EDDM3A: variants seen among roughly 807,000 people sequenced by gnomAD.
The protein encoded by EDDM3A is epididymal protein 3A.
For synonymous variants in EDDM3A, 75 were observed against 60.4 expected, an observed-to-expected ratio of 1.24 and a Z score of -1.12; for missense variants, 199 against 177.4, an observed-to-expected ratio of 1.12 and a Z score of -0.69.
At chr14:20,745,406 G>C (rs552239447), upstream of EDDM3A, among the ~76,000 whole-genome samples, 1 of 151,866 alleles carries the variant, frequency 6.6e-6, no homozygotes, top group African/African-American at 2.4e-5. Context: ...GGCGCCTATA[G>C]TCCCAGCTAC....
At chr14:20,740,621 C>T in the EDDM3A span, among the ~76,000 whole-genome samples, 90 of 152,236 alleles carry the variant, frequency 5.9e-4, no homozygotes, top group Middle Eastern at 3.4e-3. Context: ...TTCCTGGGCT[C>T]TTTGGGTTTC....
chr14:20,744,904 G>T (rs111443904), upstream of EDDM3A, among the ~76,000 whole-genome samples: 1 of 152,232 alleles, frequency 6.6e-6, no homozygotes, highest in African/African-American at 2.4e-5. Context: ...TCTCAATGAA[G>T]GTCTCACAAT....
At chr14:20,738,819 C>T in the EDDM3A span, among the ~76,000 whole-genome samples, 16 of 152,120 alleles carry the variant, frequency 1.1e-4, no homozygotes, top group East Asian at 1.2e-3. Flanking sequence ...AAGGAAAATG[C>T]ATGTGGGGAG....
the EDDM3A span, among the ~76,000 whole-genome samples, chr14:20,736,334 T>C: frequency 2.8e-3 from 420 of 152,304 alleles, no homozygotes; most frequent in Non-Finnish European, 4.3e-3. Context: ...GGTCTCAGAC[T>C]CCCGACCTCG....
At chr14:20,742,848 C>T (rs1274585744), upstream of EDDM3A, among the ~76,000 whole-genome samples, 1 of 151,916 alleles carries the variant, frequency 6.6e-6, no homozygotes, top group Non-Finnish European at 1.5e-5. Flanking sequence ...CCTCCCACCT[C>T]AGCCTCCTAA....
At chr14:20,742,594 T>C (rs570106544), upstream of EDDM3A, among the ~76,000 whole-genome samples, 1 of 152,234 alleles carries the variant, frequency 6.6e-6, no homozygotes, top group East Asian at 1.9e-4. Context: ...TTTTGTTATG[T>C]TTGTTTTGTT....
chr14:20,742,408 T>A (rs1285980746), upstream of EDDM3A, among the ~76,000 whole-genome samples: 1 of 152,226 alleles, frequency 6.6e-6, no homozygotes, highest in African/African-American at 2.4e-5. Flanking sequence ...GTAAGAAATC[T>A]TATCTGGACT....
At chr14:20,738,447 G>A in the EDDM3A span, among the ~76,000 whole-genome samples, 1 of 150,298 alleles carries the variant, frequency 6.7e-6, no homozygotes, top group African/African-American at 2.5e-5. Flanking sequence ...CTCCAGCCTG[G>A]TGACAGAGTG....
the EDDM3A span, among the ~76,000 whole-genome samples, chr14:20,739,100 G>A: frequency 0.032 from 4,914 of 152,220 alleles, 276 homozygotes; most frequent in African/African-American, 0.11. Context: ...TAATCTTTAC[G>A]TTACAGAGCA....
the EDDM3A span, among the ~76,000 whole-genome samples, chr14:20,738,475 A>AAATAAATC: frequency 4.1e-5 from 3 of 73,960 alleles, no homozygotes; most frequent in Non-Finnish European, 7.3e-5. Context: ...GTCTCAAAAT[A>AAATAAATC]AATAAATAAA....
chr14:20,739,898 G>T, the EDDM3A span, among the ~76,000 whole-genome samples: 1 of 152,068 alleles, frequency 6.6e-6, no homozygotes, highest in African/African-American at 2.4e-5. Flanking sequence ...AACAAGAATC[G>T]TGGGTCTTTT....
At chr14:20,741,573 C>G (rs1268456149), upstream of EDDM3A, among the ~76,000 whole-genome samples, 7 of 152,278 alleles carry the variant, frequency 4.6e-5, no homozygotes, top group South Asian at 4.2e-4. Context: ...TAGAAACACT[C>G]TACTTACTGA....
the EDDM3A span, among the ~76,000 whole-genome samples, chr14:20,739,974 T>C: frequency 1.3e-5 from 2 of 152,134 alleles, no homozygotes; most frequent in Non-Finnish European, 2.9e-5. Flanking sequence ...CACCAACCAG[T>C]CTGAAGACCC....
upstream of EDDM3A, among the ~76,000 whole-genome samples, chr14:20,745,522 T>C (rs1877557405): frequency 8.6e-6 from 1 of 116,644 alleles, no homozygotes; most frequent in Non-Finnish European, 1.8e-5. Context: ...CGAGACTCCA[T>C]CTCAAAAAAA....
rs868331486 is a variant in EDDM3A, at chr14:20,748,127, T to C, written c.*103T>C. The C allele has an allele frequency of 6.1e-5, 49 of 803,932 alleles. 2 individuals carry two copies. In the South Asian group the frequency reaches 8.8e-4, roughly 14 times the overall value. 49.8% of individuals were successfully genotyped at this position (803,932 alleles called of 1,614,324 possible). ...CCCTGCCACTCCCCGCTTACATTTA[T>C]GTGTCAGTGTTTTCCAACTACTTAG... is the stretch of plus-strand genomic sequence containing the variant. On this transcript the variant is annotated 3_prime_UTR_variant, in exon 2 of 2. Transcript: ENST00000326842.
the EDDM3A span, among the ~76,000 whole-genome samples, chr14:20,740,303 G>A: frequency 1.3e-5 from 2 of 152,252 alleles, no homozygotes; most frequent in Non-Finnish European, 2.9e-5. Flanking sequence ...ATGGGCATTT[G>A]TCCATGGTTC....
the EDDM3A span, among the ~76,000 whole-genome samples, chr14:20,739,592 T>C: frequency 6.6e-6 from 1 of 152,188 alleles, no homozygotes; most frequent in African/African-American, 2.4e-5. Context: ...TGTCAATTAG[T>C]ATTTGTGTTG....
chr14:20,746,998 A>G lies in EDDM3A; in HGVS notation c.-26-557A>G, dbSNP rs527984055. 2.6e-5 allele frequency among the ~76,000 whole-genome samples: 4 copies of G among 152,254 alleles called. No individual in the cohort carries two copies. In the South Asian group the frequency reaches 6.2e-4, roughly 24 times the overall value. Reference sequence around the variant, plus strand: ...TCAAATTGGGTAGAAGACAGGGTAGACAGGAGATATTTGAAATTCTCAAAA... The same window carrying G: ...TCAAATTGGGTAGAAGACAGGGTAGGCAGGAGATATTTGAAATTCTCAAAA... On this transcript the variant is annotated intron_variant, in intron 1 of 1. Coordinates refer to ENST00000326842, the MANE Select transcript of EDDM3A (RefSeq NM_006683.5).
rs1877669182 is a variant in EDDM3A at position 20,748,239 on chromosome 14, T to C, written c.*215T>C. 2.1e-6 allele frequency: 1 copy of C among 474,560 alleles called. No homozygotes were observed. The highest frequency in any genetic ancestry group is 4.4e-5 in the South Asian group (1 of 22,956). The allele number at this position is 474,560 out of a possible 1,614,324, so 29.4% of individuals were successfully genotyped here. A position where few individuals can be genotyped will look rare whatever the true frequency, so the allele number is the denominator to read the frequency against. On this transcript the variant is annotated 3_prime_UTR_variant, in exon 2 of 2. Coordinates refer to ENST00000326842, the MANE Select transcript of EDDM3A (RefSeq NM_006683.5). ...CAATTTTGTCCTAATTTGCCTAATT[T>C]ACACCCACATTTTTTCCAAGATTCA...
Sources: gnomAD v4.1 joint callset for allele counts (sites outside exome capture counted in the v4.1 genomes callset) on GRCh38, gnomAD v4.1.1 for gene constraint, MANE v1.5 for transcripts, NCBI Gene and HGNC (gene_info 2026-07-23, HGNC 2026-07-21) for gene names.